Variants in WDPCP observed in about 807,000 individuals in gnomAD.
The protein encoded by WDPCP is WD repeat-containing and planar cell polarity effector protein fritz homolog.
WDPCP carries 71 observed loss-of-function variants against 93.1 expected under a neutral mutation model. The ratio of observed to expected loss-of-function variants is 0.76; its 90% CI spans 0.63 to 0.93. The LOEUF (loss-of-function observed/expected upper bound fraction) is 0.93. WDPCP is among the 40% of genes least tolerant of loss of function. WDPCP has a pLI of 0.00. For missense variants in WDPCP, 844 were observed against 887.4 expected (o/e 0.95, Z 0.62); for synonymous variants, 315 against 315.0 (o/e 1.00, Z 0.00).
At chr2:63,803,302 G>GA (rs941227088) in intron 2 of WDPCP, among the ~76,000 whole-genome samples, 2 of 151,810 alleles carry the variant, frequency 1.3e-5, no homozygotes, top group East Asian at 1.9e-4. Flanking sequence ...TTTTAATACT[G>GA]AAAAAAAATT....
At chr2:63,398,446 TC>T (rs1693910686) in intron 10 of WDPCP, among the ~76,000 whole-genome samples, 1 of 152,166 alleles carries the variant, frequency 6.6e-6, no homozygotes, top group South Asian at 2.1e-4. Flanking sequence ...TCTAATTACC[TC>T]CTAAGGAAGA....
At chr2:63,522,197 C>T (rs932641483) in intron 1 of WDPCP, among the ~76,000 whole-genome samples, 13 of 151,892 alleles carry the variant, frequency 8.6e-5, no homozygotes, top group African/African-American at 2.2e-4. Flanking sequence ...CCCCACCCCC[C>T]GGCAGGTGAT....
intron 6 of WDPCP, among the ~76,000 whole-genome samples, chr2:63,480,590 C>T (rs1700211919): frequency 6.6e-6 from 1 of 152,092 alleles, no homozygotes; most frequent in Non-Finnish European, 1.5e-5. Flanking sequence ...CAAATACTTA[C>T]AGCCAACTGA....
chr2:63,373,743 T>C (rs1225804616), intron 12 of WDPCP, among the ~76,000 whole-genome samples: 1 of 152,146 alleles, frequency 6.6e-6, no homozygotes, highest in Admixed American at 6.6e-5. Flanking sequence ...CTTGCCATCT[T>C]TGGGGTTAAT....
At chr2:63,194,264 A>G (rs1675253870) in intron 14 of WDPCP, among the ~76,000 whole-genome samples, 1 of 152,056 alleles carries the variant, frequency 6.6e-6, no homozygotes, top group African/African-American at 2.4e-5. Context: ...TGATGGAGGA[A>G]GTGTTAGGAT....
chr2:63,672,344 C>T (rs262526), intron 2 of WDPCP, among the ~76,000 whole-genome samples: 122,064 of 152,226 alleles, frequency 0.8, 49,369 homozygotes, highest in East Asian at 0.98. Context: ...TTGTTTTGTT[C>T]TTCTGAGAAG....
intron 13 of WDPCP, among the ~76,000 whole-genome samples, chr2:63,262,565 A>C (rs1377849745): frequency 6.6e-6 from 1 of 151,362 alleles, no homozygotes; most frequent in East Asian, 1.9e-4. Context: ...AAGAAAGAAA[A>C]GAAACAAGAA....
chr2:63,834,801 A>G, the WDPCP span, among the ~76,000 whole-genome samples: 4 of 152,228 alleles, frequency 2.6e-5, no homozygotes, highest in Non-Finnish European at 5.9e-5. Context: ...TGCAGCCAAC[A>G]TGGAGCTCCT....
chr2:63,433,400 T>G (rs1696907716), intron 9 of WDPCP, among the ~76,000 whole-genome samples: 1 of 152,234 alleles, frequency 6.6e-6, no homozygotes, highest in Non-Finnish European at 1.5e-5. Flanking sequence ...GGGCTTACTA[T>G]ACATTGATAT....
At chr2:63,735,797 A>G (rs1373129322) in intron 2 of WDPCP, among the ~76,000 whole-genome samples, 1 of 152,230 alleles carries the variant, frequency 6.6e-6, no homozygotes, top group African/African-American at 2.4e-5. Context: ...ATTGTGTTCC[A>G]GAAAGCTAAA....
intron 1 of WDPCP, among the ~76,000 whole-genome samples, chr2:63,519,877 C>A (rs1300635263): frequency 6.6e-6 from 1 of 152,138 alleles, no homozygotes; most frequent in Non-Finnish European, 1.5e-5. Context: ...GGTTCTTAAC[C>A]AAGCTGAACT....
intron 14 of WDPCP, among the ~76,000 whole-genome samples, chr2:63,246,411 T>G (rs1420650917): frequency 6.6e-6 from 1 of 152,174 alleles, no homozygotes; most frequent in Admixed American, 6.5e-5. Context: ...GAAATTCTCA[T>G]TAAAAAATGT....
At chr2:63,423,236 T>C (rs1195462280) in intron 9 of WDPCP, among the ~76,000 whole-genome samples, 1 of 152,176 alleles carries the variant, frequency 6.6e-6, no homozygotes, top group Non-Finnish European at 1.5e-5. Flanking sequence ...TCTTTAAAAA[T>C]TGCCATCCCT....
At chr2:63,428,084 A>G (rs1376884343) in intron 9 of WDPCP, among the ~76,000 whole-genome samples, 1 of 152,092 alleles carries the variant, frequency 6.6e-6, no homozygotes, top group Non-Finnish European at 1.5e-5. Context: ...TCAGTAATAA[A>G]AATCCTACCA....
intron 3 of WDPCP, among the ~76,000 whole-genome samples, chr2:63,632,450 G>A (rs554093479): frequency 3.4e-4 from 52 of 152,180 alleles, no homozygotes; most frequent in Middle Eastern, 3.4e-3. Context: ...AGCTATACCA[G>A]AACACAGATA....
intron 17 of WDPCP, among the ~76,000 whole-genome samples, chr2:63,127,973 T>C (rs1428472925): frequency 2.6e-5 from 4 of 151,846 alleles, no homozygotes; most frequent in Admixed American, 2.6e-4. Flanking sequence ...ACCCTGTCTC[T>C]TCTAAAAATA....
chr2:63,211,771 T>G (rs1402100486), intron 14 of WDPCP, among the ~76,000 whole-genome samples: 1 of 152,182 alleles, frequency 6.6e-6, no homozygotes, highest in African/African-American at 2.4e-5. Context: ...GAGAAGACCT[T>G]AGATGACCTG....
intron 14 of WDPCP, among the ~76,000 whole-genome samples, chr2:63,188,740 T>C (rs1674820921): frequency 6.6e-6 from 1 of 152,192 alleles, no homozygotes; most frequent in Non-Finnish European, 1.5e-5. Context: ...GTCTTGATCA[T>C]CTTTATGAGA....
intron 9 of WDPCP, among the ~76,000 whole-genome samples, chr2:63,417,844 T>C (rs183386415): frequency 1.2e-3 from 188 of 150,786 alleles, no homozygotes; most frequent in African/African-American, 4.3e-3. Context: ...AAATAAGACA[T>C]TTTGTATTTA....
Sources: gnomAD v4.1 joint callset for allele counts (sites outside exome capture counted in the v4.1 genomes callset) on GRCh38, gnomAD v4.1.1 for gene constraint, MANE v1.5 for transcripts, NCBI Gene and HGNC (gene_info 2026-07-23, HGNC 2026-07-21) for gene names.